Variants in IL1RAPL1 observed in about 807,000 individuals in gnomAD.
The protein encoded by IL1RAPL1 is interleukin-1 receptor accessory protein-like 1.
In IL1RAPL1, 3 loss-of-function variants were observed where a neutral mutation model predicts 48.4. The observed-to-expected ratio is 0.06, with a 90% CI of 0.03 to 0.16. The LOEUF (loss-of-function observed/expected upper bound fraction) is 0.16. Among genes scored for constraint, IL1RAPL1 ranks in the 10% least tolerant of loss-of-function variants. The pLI is 1.00. For missense variants in IL1RAPL1, 349 were observed against 530.6 expected, an observed-to-expected ratio of 0.66 and a Z score of 3.36; for synonymous variants, 185 against 187.7, an observed-to-expected ratio of 0.99 and a Z score of 0.12.
In IL1RAPL1 at chrX:28,641,621, C is replaced by A. The variant is rs138752719; in HGVS notation, c.-25+53574C>A. On this transcript the variant is annotated intron_variant, in intron 1 of 10. Transcript: ENST00000378993. ...GCTGGGTCAAATGGTATTTCTGGTTCTACATCTTTGAGGAATCGCCGCACT... is the reference window on the plus strand; with the variant it reads ...GCTGGGTCAAATGGTATTTCTGGTTATACATCTTTGAGGAATCGCCGCACT... Among the ~76,000 whole-genome samples, 751 of 111,607 alleles carry A rather than the reference C, an allele frequency of 6.7e-3. 7 individuals carry two copies. The highest frequency in any genetic ancestry group is 0.023 in the African/African-American group (711 of 30,683).
At chrX:29,432,497 T>C (rs189835326) in intron 5 of IL1RAPL1, among the ~76,000 whole-genome samples, 28 of 111,668 alleles carry the variant, frequency 2.5e-4, no homozygotes, top group African/African-American at 8.8e-4. Context: ...CTAGTACTTT[T>C]CCACTAGCTC....
At chrX:28,803,729 A>G (rs1034624821) in intron 2 of IL1RAPL1, among the ~76,000 whole-genome samples, 1 of 111,918 alleles carries the variant, frequency 8.9e-6, no homozygotes, top group African/African-American at 3.2e-5. Context: ...GATTTTATGC[A>G]TGGAACCTAC....
At chrX:28,606,389 A>G (rs142659131) in intron 1 of IL1RAPL1, among the ~76,000 whole-genome samples, 2,335 of 112,050 alleles carry the variant, frequency 0.021, 57 homozygotes, top group African/African-American at 0.07. Flanking sequence ...ACCAAAAATC[A>G]AAAGTATTAC....
intron 2 of IL1RAPL1, among the ~76,000 whole-genome samples, chrX:28,849,107 T>C (rs1049445890): frequency 4.8e-5 from 5 of 104,634 alleles, no homozygotes; most frequent in Non-Finnish European, 9.7e-5. Context: ...GCTTGGAGTT[T>C]ACTATCCTAG....
intron 2 of IL1RAPL1, among the ~76,000 whole-genome samples, chrX:29,009,050 C>T (rs1015006987): frequency 4.5e-5 from 5 of 111,068 alleles, no homozygotes; most frequent in African/African-American, 1.6e-4. Context: ...TCTGCAGCAA[C>T]GTAGATGTGG....
intron 6 of IL1RAPL1, among the ~76,000 whole-genome samples, chrX:29,823,420 C>G (rs1930662570): frequency 8.9e-6 from 1 of 111,956 alleles, no homozygotes; most frequent in African/African-American, 3.2e-5. Context: ...TGCAAAGCTA[C>G]CTCACTTTTC....
chrX:29,433,932 A>C (rs1411006876), intron 5 of IL1RAPL1, among the ~76,000 whole-genome samples: 3 of 110,013 alleles, frequency 2.7e-5, no homozygotes, highest in Non-Finnish European at 5.7e-5. Flanking sequence ...TGGGAACTGT[A>C]TAGGGCTCTG....
chrX:28,824,749 G>A (rs1936974248), intron 2 of IL1RAPL1, among the ~76,000 whole-genome samples: 1 of 111,661 alleles, frequency 9.0e-6, no homozygotes, highest in African/African-American at 3.2e-5. Context: ...GAATTCACCT[G>A]CCAGCCAACT....
chrX:28,891,830 C>T (rs1227121889), intron 2 of IL1RAPL1, among the ~76,000 whole-genome samples: 1 of 111,300 alleles, frequency 9.0e-6, no homozygotes, highest in East Asian at 2.8e-4. Flanking sequence ...ATTTTTCACT[C>T]CAGCTAATAG....
chrX:29,909,903 G>A (rs1932730604), intron 6 of IL1RAPL1, among the ~76,000 whole-genome samples: 2 of 111,401 alleles, frequency 1.8e-5, no homozygotes, highest in African/African-American at 6.5e-5. Flanking sequence ...TCCCATTTTT[G>A]GGTATATACC....
At chrX:29,421,321 C>T (rs972155623) in intron 5 of IL1RAPL1, among the ~76,000 whole-genome samples, 1 of 110,709 alleles carries the variant, frequency 9.0e-6, no homozygotes, top group Non-Finnish European at 1.9e-5. Context: ...CCAAACGAAT[C>T]CCAGGGTTAC....
intron 2 of IL1RAPL1, among the ~76,000 whole-genome samples, chrX:29,104,750 T>C (rs951483417): frequency 9.7e-6 from 1 of 103,295 alleles, no homozygotes; most frequent in African/African-American, 3.8e-5. Context: ...AATATACACC[T>C]ACTATGTACC....
intron 1 of IL1RAPL1, among the ~76,000 whole-genome samples, chrX:28,718,254 C>T (rs1935527421): frequency 9.0e-6 from 1 of 111,455 alleles, no homozygotes; most frequent in Non-Finnish European, 1.9e-5. Flanking sequence ...AAAAAACTCT[C>T]TGATGTTTGA....
At chrX:29,322,012 A>G (rs897874717) in intron 3 of IL1RAPL1, among the ~76,000 whole-genome samples, 1 of 110,618 alleles carries the variant, frequency 9.0e-6, no homozygotes, top group African/African-American at 3.3e-5. Context: ...TATTTTGCAA[A>G]AAAAAAACCC....
chrX:29,265,070 A>G (rs1315639406), intron 2 of IL1RAPL1, among the ~76,000 whole-genome samples: 1 of 110,332 alleles, frequency 9.1e-6, no homozygotes, highest in Non-Finnish European at 1.9e-5. Flanking sequence ...ACGCCACGAC[A>G]CCCAGCTAAT....
chrX:29,097,440 A>G (rs1385599603), intron 2 of IL1RAPL1, among the ~76,000 whole-genome samples: 1 of 112,121 alleles, frequency 8.9e-6, no homozygotes, highest in African/African-American at 3.2e-5. Context: ...ACACGAGACA[A>G]GGTCTATTTT....
intron 2 of IL1RAPL1, among the ~76,000 whole-genome samples, chrX:28,817,348 C>T (rs1309494574): frequency 9.0e-6 from 1 of 110,953 alleles, no homozygotes; most frequent in Non-Finnish European, 1.9e-5. Flanking sequence ...GAGTCAGTAA[C>T]CATCAACTCC....
chrX:29,725,719 A>ATGAG (rs1927759348), intron 6 of IL1RAPL1, among the ~76,000 whole-genome samples: 1 of 112,054 alleles, frequency 8.9e-6, no homozygotes, highest in African/African-American at 3.2e-5. Flanking sequence ...GTGTGTGTGT[A>ATGAG]TGAGTGTGTA....
At chrX:28,929,706 T>G (rs1297511459) in intron 2 of IL1RAPL1, among the ~76,000 whole-genome samples, 1 of 112,265 alleles carries the variant, frequency 8.9e-6, no homozygotes, top group African/African-American at 3.2e-5. Context: ...TCATATGGTT[T>G]GCACAATAAA....
Sources: allele counts gnomAD v4.1 joint callset (sites outside exome capture counted in the v4.1 genomes callset), GRCh38; gene constraint gnomAD v4.1.1; transcripts MANE v1.5; gene names NCBI Gene and HGNC (gene_info 2026-07-23, HGNC 2026-07-21).